Variants in RAD51B observed in about 807,000 individuals in gnomAD.
RAD51B encodes the protein DNA repair protein RAD51 homolog 2.
RAD51B carries 38 observed loss-of-function variants against 42.2 expected under a neutral mutation model. The ratio of observed to expected loss-of-function variants is 0.90; its 90% CI spans 0.70 to 1.18. The LOEUF is 1.18. Ranked by LOEUF, RAD51B falls within the 50% of genes most tolerant of loss-of-function variation. The pLI is 0.00. For synonymous variants in RAD51B, 154 were observed against 145.2 expected (o/e 1.06, Z -0.43); for missense variants, 373 against 400.7 (o/e 0.93, Z 0.59).
At chr14:68,353,729 G>T (rs571553765) in intron 8 of RAD51B, among the ~76,000 whole-genome samples, 1 of 152,210 alleles carries the variant, frequency 6.6e-6, no homozygotes, top group Admixed American at 6.5e-5. Context: ...TTGTTGTCTG[G>T]CTGTCGCAGC....
intron 8 of RAD51B, among the ~76,000 whole-genome samples, chr14:68,402,223 C>T (rs887850759): frequency 1.4e-4 from 21 of 152,180 alleles, no homozygotes; most frequent in Non-Finnish European, 7.4e-5. Flanking sequence ...TAAAAATAAC[C>T]TATTATAGGC....
intron 10 of RAD51B, among the ~76,000 whole-genome samples, chr14:68,547,287 A>G (rs1888286865): frequency 6.6e-6 from 1 of 152,136 alleles, no homozygotes; most frequent in African/African-American, 2.4e-5. Flanking sequence ...CTCCTTTCTC[A>G]GCATCTCCTG....
chr14:68,143,235 G>C (rs2078171194), intron 7 of RAD51B, among the ~76,000 whole-genome samples: 1 of 152,160 alleles, frequency 6.6e-6, no homozygotes, highest in African/African-American at 2.4e-5. Context: ...GGCTGGGTTA[G>C]ATGATCTCCA....
rs539497140 is a variant in RAD51B, at chr14:68,053,976, G to A, written c.756+166772G>A. Among the ~76,000 whole-genome samples, 54 of 152,188 alleles carry A rather than the reference G, an allele frequency of 3.5e-4. 1 individual carries two copies. Among genetic ancestry groups the A allele is most frequent in the Admixed American group, 1.5e-3 (23 of 15,282 alleles). ...CACATATGCACATATTATAATACAC[G>A]CAAACATACAGAAATACACACTTTT... is the stretch of plus-strand genomic sequence containing the variant. On this transcript the variant is annotated intron_variant, in intron 7 of 10. Coordinates refer to ENST00000471583, the MANE Select transcript of RAD51B (RefSeq NM_133510.4).
intron 9 of RAD51B, chr14:68,422,224 G>A (rs1263193555): frequency 9.5e-6 from 9 of 950,652 alleles, no homozygotes; most frequent in African/African-American, 3.2e-5. Context: ...TTTCCTCAGC[G>A]GTGGCGTCCG....
At chr14:68,603,794 C>T (rs1245077665) in intron 10 of RAD51B, among the ~76,000 whole-genome samples, 1 of 152,232 alleles carries the variant, frequency 6.6e-6, no homozygotes, top group Non-Finnish European at 1.5e-5. Context: ...TCGCCTTGGG[C>T]CGCTCCTTCA....
chr14:68,556,237 T>A (rs1273060344), intron 10 of RAD51B, among the ~76,000 whole-genome samples: 1 of 152,162 alleles, frequency 6.6e-6, no homozygotes, highest in Non-Finnish European at 1.5e-5. Flanking sequence ...GGGACAGACC[T>A]CAAACGTGAA....
intron 7 of RAD51B, among the ~76,000 whole-genome samples, chr14:68,069,294 T>C (rs767456844): frequency 5.9e-5 from 9 of 152,212 alleles, no homozygotes; most frequent in Non-Finnish European, 1.0e-4. Flanking sequence ...ACTTTTATTT[T>C]AGGTTCCAGA....
chr14:68,462,283 G>T (rs998191406), intron 9 of RAD51B, among the ~76,000 whole-genome samples: 2 of 152,194 alleles, frequency 1.3e-5, no homozygotes, highest in Admixed American at 1.3e-4. Context: ...AAGCCCAAAG[G>T]CTTCCCTGTA....
In RAD51B at chr14:68,259,207, A is replaced by G. The variant is rs548946267; in HGVS notation, c.757-32677A>G. Among the ~76,000 whole-genome samples, 3 of 152,024 alleles carry G rather than the reference A, an allele frequency of 2.0e-5. No homozygotes were observed. The South Asian group carries it at 6.3e-4, about 32-fold the overall frequency. ...GGCCCCTGTTCTTGAACGAAATGCAAAGCAAGGGAGGATGATTTAAAAGCT... is the reference window on the plus strand; with the variant it reads ...GGCCCCTGTTCTTGAACGAAATGCAGAGCAAGGGAGGATGATTTAAAAGCT... On this transcript the variant is annotated intron_variant, in intron 7 of 10. Coordinates refer to ENST00000471583, the MANE Select transcript of RAD51B (RefSeq NM_133510.4).
chr14:67,970,139 G>C (rs1185991494), intron 7 of RAD51B, among the ~76,000 whole-genome samples: 1 of 152,072 alleles, frequency 6.6e-6, no homozygotes, highest in Non-Finnish European at 1.5e-5. Flanking sequence ...GATTATTTCT[G>C]ACCCTTAACT....
intron 7 of RAD51B, among the ~76,000 whole-genome samples, chr14:68,042,956 C>T (rs1345100118): frequency 6.6e-6 from 1 of 152,184 alleles, no homozygotes; most frequent in African/African-American, 2.4e-5. Flanking sequence ...AAGTTCTCAA[C>T]ACCCTGTGAT....
chr14:68,072,070 A>AATATATAAAT lies in RAD51B; in HGVS notation c.756+184882_756+184891dup, dbSNP rs1395325956. Among the ~76,000 whole-genome samples, 747 of 104,702 alleles carry AATATATAAAT rather than the reference A, an allele frequency of 7.1e-3. 44 individuals carry two copies. Among genetic ancestry groups the AATATATAAAT allele is most frequent in the African/African-American group, 0.035 (700 of 20,076 alleles). The allele number at this position is 104,702 out of a possible 152,430, so 68.7% of individuals were successfully genotyped here. A position where few individuals can be genotyped will look rare whatever the true frequency, so the allele number is the denominator to read the frequency against. ...ATATATAATTATATATATTTATATA[A>AATATATAAAT]ATATATAAATATATATAAATATATA... On this transcript the variant is annotated intron_variant, in intron 7 of 10. Coordinates refer to ENST00000471583, the MANE Select transcript of RAD51B (RefSeq NM_133510.4).
At position 68,339,438 on chromosome 14, in the gene RAD51B, A is replaced by G. The variant is rs1595727160; in HGVS notation, c.853+47458A>G. 18 of 628,722 alleles carry G rather than the reference A, an allele frequency of 2.9e-5. 1 individual carries two copies. In the South Asian group the frequency reaches 3.4e-4, roughly 12 times the overall value. 38.9% of individuals were successfully genotyped at this position (628,722 alleles called of 1,614,324 possible). On this transcript the variant is annotated intron_variant, in intron 8 of 10. Transcript: ENST00000471583. ...AAAATTCTTAAGCCTTTTCTCAAACAGGGGATTCACCACTTCCTTGGCCTC... is the reference window on the plus strand; with the variant it reads ...AAAATTCTTAAGCCTTTTCTCAAACGGGGGATTCACCACTTCCTTGGCCTC...
chr14:68,005,518 G>A (rs1422994666), intron 7 of RAD51B, among the ~76,000 whole-genome samples: 1 of 152,164 alleles, frequency 6.6e-6, no homozygotes, highest in Non-Finnish European at 1.5e-5. Context: ...TTGCCAAACA[G>A]TTAAGTTGTT....
In RAD51B at chr14:68,037,367, C is replaced by T. The variant is rs139722611; in HGVS notation, c.756+150163C>T. Among the ~76,000 whole-genome samples, 149 of 150,908 alleles carry T rather than the reference C, an allele frequency of 9.9e-4. 4 individuals are homozygous for T. The East Asian group carries it at 0.027, about 27-fold the overall frequency. Reference sequence around the variant, plus strand: ...TCCCGAGTAGCTGGGATTACAGGCACGTGCCGCCACACCCAGCTAATTTTT... The same window carrying T: ...TCCCGAGTAGCTGGGATTACAGGCATGTGCCGCCACACCCAGCTAATTTTT... On this transcript the variant is annotated intron_variant, in intron 7 of 10. Coordinates refer to ENST00000471583, the MANE Select transcript of RAD51B (RefSeq NM_133510.4).
At chr14:68,121,662 T>C (rs112869406) in intron 7 of RAD51B, among the ~76,000 whole-genome samples, 4 of 151,828 alleles carry the variant, frequency 2.6e-5, no homozygotes, top group Non-Finnish European at 4.4e-5. Flanking sequence ...AAAAAGAAAT[T>C]AGAAATAAAA....
In RAD51B at chr14:67,992,863, G is replaced by A. The variant is rs1322230009; in HGVS notation, c.756+105659G>A. On this transcript the variant is annotated intron_variant, in intron 7 of 10. Transcript: ENST00000471583. ...GAAGATAGTGCTATGAAATGAATAT[G>A]TGCAGATACATCAGAGTAACCAGGT... Among the ~76,000 whole-genome samples the A allele has an allele frequency of 5.9e-5, 9 of 152,162 alleles. 1 individual carries two copies. Among genetic ancestry groups the A allele is most frequent in the Admixed American group, 3.9e-4 (6 of 15,296 alleles).
intron 7 of RAD51B, among the ~76,000 whole-genome samples, chr14:68,172,149 C>G (rs775828164): frequency 3.9e-5 from 6 of 152,224 alleles, no homozygotes; most frequent in Admixed American, 1.3e-4. Flanking sequence ...TTCAGTTCAA[C>G]TGTACCTCCC....
Sources: gnomAD v4.1 joint callset for allele counts (sites outside exome capture counted in the v4.1 genomes callset) on GRCh38, gnomAD v4.1.1 for gene constraint, MANE v1.5 for transcripts, NCBI Gene and HGNC (gene_info 2026-07-23, HGNC 2026-07-21) for gene names.